Variants in TTC39C observed in about 807,000 individuals in gnomAD.
TTC39C encodes tetratricopeptide repeat protein 39C.
In TTC39C, 33 loss-of-function variants were observed where a neutral mutation model predicts 76.3. The observed-to-expected ratio is 0.43, with a 90% confidence interval of 0.33 to 0.58. TTC39C has a LOEUF of 0.58. TTC39C is among the 20% of genes least tolerant of loss of function. TTC39C has a pLI of 0.04. For missense variants in TTC39C, 595 were observed against 701.4 expected, an observed-to-expected ratio of 0.85 and a Z score of 1.71; for synonymous variants, 254 against 260.6, an observed-to-expected ratio of 0.97 and a Z score of 0.24.
chr18:24,049,919 C>T (rs2083927752), intron 1 of TTC39C, among the ~76,000 whole-genome samples: 1 of 152,196 alleles, frequency 6.6e-6, no homozygotes, highest in Non-Finnish European at 1.5e-5. Context: ...ACTAAATAGT[C>T]TGTCGTATTA....
intron 1 of TTC39C, among the ~76,000 whole-genome samples, chr18:24,046,410 T>C (rs2145702932): frequency 6.6e-6 from 1 of 151,998 alleles, no homozygotes; most frequent in East Asian, 1.9e-4. Context: ...TATAATTACA[T>C]CACATTTTCA....
At chr18:24,000,463 T>G (rs904866598) in intron 1 of TTC39C, 1 of 152,242 alleles carries the variant, frequency 6.6e-6, no homozygotes, top group Non-Finnish European at 1.5e-5. Flanking sequence ...CACAGCTTGA[T>G]TTTGGACTTT....
chr18:24,063,547 C>G (rs1204833329), intron 1 of TTC39C, among the ~76,000 whole-genome samples: 2 of 138,196 alleles, frequency 1.4e-5, no homozygotes, highest in Non-Finnish European at 3.0e-5. Context: ...GAGTCTCACT[C>G]TCTCGCCCAG....
chr18:24,111,064 C>T (rs1475431069), intron 6 of TTC39C, among the ~76,000 whole-genome samples: 1 of 151,554 alleles, frequency 6.6e-6, no homozygotes, highest in African/African-American at 2.4e-5. Flanking sequence ...GATCTTGGCT[C>T]ACTGCAACCT....
chr18:23,998,259 T>C (rs2083284739), intron 1 of TTC39C, among the ~76,000 whole-genome samples: 1 of 152,228 alleles, frequency 6.6e-6, no homozygotes, highest in South Asian at 2.1e-4. Context: ...CCCTTATTGT[T>C]GTCCTTAGTT....
At chr18:24,030,774 C>A (rs1288767095) in intron 1 of TTC39C, among the ~76,000 whole-genome samples, 1 of 149,982 alleles carries the variant, frequency 6.7e-6, no homozygotes, top group Non-Finnish European at 1.5e-5. Flanking sequence ...CCTCACTCAG[C>A]CTCCTGAGTA....
chr18:24,084,287 C>G (rs1411090886), intron 6 of TTC39C, among the ~76,000 whole-genome samples: 5 of 151,870 alleles, frequency 3.3e-5, no homozygotes, highest in Non-Finnish European at 7.4e-5. Flanking sequence ...AGTTCGAGAC[C>G]AGCCTGGCCA....
At chr18:24,109,288 C>G (rs1384601309) in intron 6 of TTC39C, among the ~76,000 whole-genome samples, 7 of 151,104 alleles carry the variant, frequency 4.6e-5, no homozygotes, top group South Asian at 2.1e-4. Context: ...CCCAGAAGTT[C>G]AAGGCATTCC....
At chr18:24,089,302 G>C (rs1185941929) in intron 6 of TTC39C, among the ~76,000 whole-genome samples, 3 of 152,142 alleles carry the variant, frequency 2.0e-5, no homozygotes, top group Non-Finnish European at 4.4e-5. Context: ...TGCCTTGTCA[G>C]CATGATGTAA....
At chr18:24,100,852 G>A (rs2084664857) in intron 6 of TTC39C, among the ~76,000 whole-genome samples, 1 of 152,218 alleles carries the variant, frequency 6.6e-6, no homozygotes, top group Admixed American at 6.5e-5. Context: ...AGGGTTTTCT[G>A]AAGCACCAGC....
chr18:24,006,959 C>A (rs2145631459), intron 1 of TTC39C, among the ~76,000 whole-genome samples: 1 of 152,298 alleles, frequency 6.6e-6, no homozygotes, highest in Middle Eastern at 3.4e-3. Flanking sequence ...TCGGAGCACC[C>A]AGTGAGTATA....
chr18:23,997,411 C>T (rs1320160332), intron 1 of TTC39C, among the ~76,000 whole-genome samples: 5 of 151,616 alleles, frequency 3.3e-5, no homozygotes, highest in African/African-American at 7.3e-5. Flanking sequence ...ATTAGCCGGG[C>T]GTGGTCGTGG....
chr18:24,006,950 C>T (rs961998595), intron 1 of TTC39C, among the ~76,000 whole-genome samples: 3 of 152,134 alleles, frequency 2.0e-5, no homozygotes, highest in African/African-American at 7.2e-5. Flanking sequence ...CTGACACAGT[C>T]GGAGCACCCA....
chr18:24,107,888 A>AGGGG (rs34882392), intron 6 of TTC39C, among the ~76,000 whole-genome samples: 94 of 136,436 alleles, frequency 6.9e-4, no homozygotes, highest in Middle Eastern at 3.6e-3. Context: ...CCTCCCAAGT[A>AGGGG]GGGGGGGGGG....
intron 1 of TTC39C, among the ~76,000 whole-genome samples, chr18:24,017,182 C>A (rs1306007081): frequency 6.6e-6 from 1 of 152,158 alleles, no homozygotes; most frequent in African/African-American, 2.4e-5. Flanking sequence ...TTCCTTGGCT[C>A]CATCTGATTT....
intron 4 of TTC39C, 35 bp downstream of exon 4, chr18:24,069,306 A>T (rs1171152394): frequency 6.5e-6 from 10 of 1,547,900 alleles, no homozygotes; most frequent in Non-Finnish European, 8.9e-6. Flanking sequence ...GGTTTTCAGT[A>T]TTCAGTGCAC....
At chr18:24,083,190 G>C (rs572881570) in intron 6 of TTC39C, 109 bp downstream of exon 6, 2 of 1,175,468 alleles carry the variant, frequency 1.7e-6, no homozygotes, top group Admixed American at 5.8e-5. Flanking sequence ...GGGCCCCGGA[G>C]CATTTTGTTC....
intron 1 of TTC39C, among the ~76,000 whole-genome samples, chr18:24,015,610 C>G (rs1325642355): frequency 6.6e-6 from 1 of 152,264 alleles, no homozygotes; most frequent in Admixed American, 6.5e-5. Flanking sequence ...ACTCTGCCCA[C>G]TCATCTCTCT....
intron 8 of TTC39C, 68 bp from the exon 9 acceptor site, chr18:24,123,766 A>C: frequency 1.8e-6 from 2 of 1,124,454 alleles, no homozygotes; most frequent in East Asian, 2.6e-5. Flanking sequence ...AAGTATCATC[A>C]CTTCAGGTAT....
Sources: gnomAD v4.1 joint callset for allele counts (sites outside exome capture counted in the v4.1 genomes callset) on GRCh38, gnomAD v4.1.1 for gene constraint, MANE v1.5 for transcripts, NCBI Gene and HGNC (gene_info 2026-07-23, HGNC 2026-07-21) for gene names.